Variants in RPN2 observed in about 807,000 individuals in gnomAD.
The protein encoded by RPN2 is ribophorin II.
RPN2 carries 29 observed loss-of-function variants against 71.4 expected under a neutral mutation model. The observed-to-expected ratio is 0.41, with a 90% confidence interval of 0.30 to 0.55. RPN2 has a LOEUF of 0.55. RPN2 is among the 20% of genes least tolerant of loss of function. The pLI is 0.35. For missense variants in RPN2, 726 were observed against 774.1 expected, an observed-to-expected ratio of 0.94 and a Z score of 0.74; for synonymous variants, 308 against 305.0, an observed-to-expected ratio of 1.01 and a Z score of -0.10.
chr20:37,235,166 C>T lies in RPN2; in HGVS notation c.1753+1071C>T, dbSNP rs142007019. ...ATTATGGTGCAGTGGTCCGTGACCT[C>T]AGAAGTGGTTAAGAGCCCCGCTGTA... is the stretch of plus-strand genomic sequence containing the variant. On this transcript the variant is annotated intron_variant, in intron 15 of 16. Coordinates refer to ENST00000237530, the MANE Select transcript of RPN2 (RefSeq NM_002951.5). Among the ~76,000 whole-genome samples the T allele has an allele frequency of 3.6e-3, 548 of 152,174 alleles. 3 individuals are homozygous for T. Among genetic ancestry groups the T allele is most frequent in the Non-Finnish European group, 6.1e-3 (414 of 68,004 alleles).
intron 2 of RPN2, among the ~76,000 whole-genome samples, chr20:37,190,038 A>G (rs2067108751): frequency 6.6e-6 from 1 of 152,178 alleles, no homozygotes; most frequent in African/African-American, 2.4e-5. Flanking sequence ...TGAAATAGTA[A>G]TGTTAACCTC....
chr20:37,180,992 A>C (rs1383952174), intron 1 of RPN2, among the ~76,000 whole-genome samples: 1 of 152,090 alleles, frequency 6.6e-6, no homozygotes, highest in African/African-American at 2.4e-5. Context: ...GCACTTTGGG[A>C]GGCTGAGGCG....
intron 2 of RPN2, among the ~76,000 whole-genome samples, chr20:37,188,297 G>A (rs963411251): frequency 2.6e-5 from 4 of 151,770 alleles, no homozygotes; most frequent in African/African-American, 7.3e-5. Context: ...GCCTCCTATA[G>A]GTGCACGCCA....
intron 8 of RPN2, 36 bp from the exon 9 acceptor site, chr20:37,213,724 C>G (rs377300932): frequency 9.5e-5 from 142 of 1,493,366 alleles, no homozygotes; most frequent in African/African-American, 4.1e-5. Context: ...ACTTTCCTAC[C>G]TGAGTTCTTG....
intron 8 of RPN2, among the ~76,000 whole-genome samples, chr20:37,210,885 A>G (rs1471325021): frequency 1.3e-5 from 2 of 151,834 alleles, no homozygotes; most frequent in Admixed American, 1.3e-4. Context: ...GTATGTAAAT[A>G]AATTTTAAAA....
intron 4 of RPN2, among the ~76,000 whole-genome samples, chr20:37,200,072 G>A (rs2067347936): frequency 6.6e-6 from 1 of 151,596 alleles, no homozygotes; most frequent in Admixed American, 6.6e-5. Flanking sequence ...TCAGTTCACT[G>A]CAACCTCCGC....
chr20:37,205,783 A>T (rs113317215), intron 6 of RPN2, among the ~76,000 whole-genome samples: 3,248 of 152,220 alleles, frequency 0.021, 53 homozygotes, highest in Middle Eastern at 0.034. Flanking sequence ...AATTTCTGTT[A>T]TGGGTGAAAT....
chr20:37,240,765 A>C (rs1250349939), intron 16 of RPN2, among the ~76,000 whole-genome samples: 27 of 152,158 alleles, frequency 1.8e-4, no homozygotes, highest in Non-Finnish European at 5.9e-5. Flanking sequence ...ATTTTTGAGA[A>C]TCTTTCTGTG....
intron 9 of RPN2, 105 bp from the exon 10 acceptor site, chr20:37,223,773 T>A (rs2068013995): frequency 1.1e-6 from 1 of 892,198 alleles, no homozygotes; most frequent in African/African-American, 1.6e-5. Context: ...CTAGGATTTT[T>A]TCATGCCTTT....
At chr20:37,240,811 C>T (rs1026588173) in intron 16 of RPN2, among the ~76,000 whole-genome samples, 1 of 152,214 alleles carries the variant, frequency 6.6e-6, no homozygotes, top group African/African-American at 2.4e-5. Context: ...GGCAAGAACA[C>T]GGCCACACGG....
At chr20:37,211,128 G>A (rs970797610) in intron 8 of RPN2, among the ~76,000 whole-genome samples, 4 of 151,340 alleles carry the variant, frequency 2.6e-5, no homozygotes, top group Admixed American at 6.6e-5. Context: ...TCCACCTCCC[G>A]GCTTCAAGCA....
intron 4 of RPN2, chr20:37,200,345 C>G (rs2067355644): frequency 5.5e-6 from 2 of 360,822 alleles, no homozygotes; most frequent in Admixed American, 3.9e-5. Context: ...GTTGTCCAGG[C>G]CGGTTGTAAT....
chr20:37,220,183 TTGTGTGTG>T (rs369050797), intron 9 of RPN2, among the ~76,000 whole-genome samples: 6 of 148,042 alleles, frequency 4.1e-5, no homozygotes, highest in Non-Finnish European at 9.0e-5. Flanking sequence ...GTGTGTGTGT[TTGTGTGTG>T]TGTGTGTGTG....
In RPN2 at chr20:37,232,358, G is replaced by T. The variant is rs1003710745; in HGVS notation, c.1644G>T (p.Leu548=). Residue 548 remains leucine (L), a synonymous_variant, in exon 14 of 17, where the codon CTG becomes CTT. Transcript: ENST00000237530. ...TGGTGTCCAATACATTCACTGCCCT[G>T]ATCCTCTCGCCGTTGCTTCTGCTCT... The part of the protein sequence containing the change: ...PTVVSNTFTA[L]ILSPLLLLFA... 6.2e-7 allele frequency: 1 copy of T among 1,614,056 alleles called. No homozygotes were observed. Among genetic ancestry groups the T allele is most frequent in the African/African-American group, 1.3e-5 (1 of 74,918 alleles).
At chr20:37,234,828 G>A (rs1234837718) in intron 15 of RPN2, among the ~76,000 whole-genome samples, 1 of 152,000 alleles carries the variant, frequency 6.6e-6, no homozygotes, top group East Asian at 1.9e-4. Flanking sequence ...CTCCAGGCTT[G>A]TGTCACCACA....
chr20:37,220,748 A>G (rs889680318), intron 9 of RPN2, among the ~76,000 whole-genome samples: 2 of 152,238 alleles, frequency 1.3e-5, no homozygotes, highest in African/African-American at 4.8e-5. Context: ...AGGGCTTTGG[A>G]AAAAGTTACG....
At chr20:37,213,915 A>G in intron 9 of RPN2, 50 bp downstream of exon 9, 2 of 1,318,426 alleles carry the variant, frequency 1.5e-6, no homozygotes, top group South Asian at 1.2e-5. Flanking sequence ...ATCCAAGGAT[A>G]TGGCCAAATT....
rs2066800529 is a variant in RPN2 at position 37,179,713 on chromosome 20, C to T, written c.13+344C>T. On this transcript the variant is annotated intron_variant, in intron 1 of 16. Coordinates refer to ENST00000237530, the MANE Select transcript of RPN2 (RefSeq NM_002951.5). ...GCCAGGCGGCCTAAGGTTCTGGTCC[C>T]GGCGCTGCCCCTTACTCCGTGTGAG... The T allele has an allele frequency of 3.5e-5, 9 of 259,632 alleles. No homozygotes were observed. The South Asian group carries it at 7.9e-4, about 23-fold the overall frequency. The allele number at this position is 259,632 out of a possible 1,614,324, so 16.1% of individuals were successfully genotyped here.
At chr20:37,236,097 G>GGGTGTGTGTGTT (rs1425948957) in intron 15 of RPN2, among the ~76,000 whole-genome samples, 2 of 151,922 alleles carry the variant, frequency 1.3e-5, no homozygotes, top group Non-Finnish European at 1.5e-5. Context: ...CCCTGTTTGT[G>GGGTGTGTGTGTT]GGTGTGTGTG....
Sources: allele counts gnomAD v4.1 joint callset (sites outside exome capture counted in the v4.1 genomes callset), GRCh38; gene constraint gnomAD v4.1.1; transcripts MANE v1.5; gene names NCBI Gene and HGNC (gene_info 2026-07-23, HGNC 2026-07-21).